Variants in NCAPD3 observed in about 807,000 individuals in gnomAD.
The protein encoded by NCAPD3 is condensin-2 complex subunit D3.
A neutral mutation model predicts 182.9 loss-of-function variants in NCAPD3; 105 were observed. The observed-to-expected ratio is 0.57, with a 90% CI of 0.49 to 0.68. NCAPD3 has a LOEUF of 0.68. Among genes scored for constraint, NCAPD3 ranks in the 30% least tolerant of loss-of-function variants. The probability of loss-of-function intolerance (pLI) is 0.00; values close to 1 mark genes in which losing one functional copy is unlikely to be tolerated. For missense variants in NCAPD3, 1,944 were observed against 1,837.0 expected, an observed-to-expected ratio of 1.06 and a Z score of -1.07; for synonymous variants, 815 against 679.9, an observed-to-expected ratio of 1.20 and a Z score of -3.09.
chr11:134,154,406 G>A (rs942761420), intron 32 of NCAPD3, among the ~76,000 whole-genome samples: 14 of 151,700 alleles, frequency 9.2e-5, no homozygotes, highest in African/African-American at 3.2e-4. Flanking sequence ...AGGTGCACGC[G>A]TGCACAAACA....
intron 31 of NCAPD3, 116 bp downstream of exon 31, chr11:134,157,812 C>G: frequency 8.6e-7 from 1 of 1,158,318 alleles, no homozygotes; most frequent in Non-Finnish European, 1.2e-6. Context: ...GCCCAATTAA[C>G]GTTATTTGTT....
chr11:134,179,428 T>C (rs775853193), intron 20 of NCAPD3, among the ~76,000 whole-genome samples: 4 of 152,266 alleles, frequency 2.6e-5, no homozygotes, highest in Non-Finnish European at 5.9e-5. Flanking sequence ...TCAATATGTA[T>C]GACACATATG....
At position 134,151,499 on chromosome 11, in the gene NCAPD3, T is replaced by A. The variant is rs1232496949; in HGVS notation, c.*1445A>T. The stretch of plus-strand genomic sequence containing the variant: ...CCTAAAACCTTCTACACTAGTGCCA[T>A]GGGAACCAGGTCTGAAAAAGTAGAG... On this transcript the variant is annotated 3_prime_UTR_variant, in exon 35 of 35. Transcript: ENST00000534548. The A allele has an allele frequency of 6.6e-6, 1 of 152,176 alleles. No homozygotes were observed. Among genetic ancestry groups the A allele is most frequent in the Admixed American group, 6.5e-5 (1 of 15,282 alleles). The allele number at this position is 152,176 out of a possible 1,614,324, so 9.4% of individuals were successfully genotyped here.
At chr11:134,153,598 C>T in intron 32 of NCAPD3, 2 of 567,940 alleles carry the variant, frequency 3.5e-6, no homozygotes. Context: ...ACTCGGCTGG[C>T]CCCTGGGCCT....
At chr11:134,184,810 T>TAC (rs60568256) in intron 18 of NCAPD3, 58 bp from the exon 19 acceptor site, 48,687 of 995,920 alleles carry the variant, frequency 0.049, 298 homozygotes, top group African/African-American at 0.067. Context: ...CAGGTATATA[T>TAC]ACACACACAC....
At chr11:134,167,674 GAT>G (rs1474857921) in intron 27 of NCAPD3, among the ~76,000 whole-genome samples, 2 of 138,388 alleles carry the variant, frequency 1.4e-5, no homozygotes, top group African/African-American at 2.7e-5. Flanking sequence ...TCACTTGTGA[GAT>G]GAGCTTGGGG....
intron 24 of NCAPD3, chr11:134,173,011 G>T (rs570928687): frequency 1.4e-5 from 2 of 147,998 alleles, no homozygotes; most frequent in African/African-American, 2.5e-5. Flanking sequence ...AAGTCACACA[G>T]AGCGGGCAGG....
At chr11:134,177,094 C>T in intron 23 of NCAPD3, 125 bp downstream of exon 23, 1 of 734,802 alleles carries the variant, frequency 1.4e-6, no homozygotes, top group South Asian at 1.8e-5. Flanking sequence ...AACTCCAGAC[C>T]AGAGATGAGA....
Position 134,153,470 on chromosome 11 carries a change from C to G in NCAPD3, c.4253-107G>C, listed in dbSNP as rs896832530. 4 of 1,166,802 alleles carry G rather than the reference C, an allele frequency of 3.4e-6. No individual in the cohort carries two copies. In the African/African-American group the frequency reaches 4.5e-5, roughly 13 times the overall value. 72.3% of individuals were successfully genotyped at this position (1,166,802 alleles called of 1,614,324 possible). A position where few individuals can be genotyped will look rare whatever the true frequency, so the allele number is the denominator to read the frequency against. On this transcript the variant is annotated intron_variant, in intron 32 of 34. Coordinates refer to ENST00000534548, the MANE Select transcript of NCAPD3 (RefSeq NM_015261.3). ...CAGGGTGTCCACATCAGTGTCCCAG[C>G]GGCGGCCCTCAGACCTCCACTGGAC...
rs1055001006 is a variant in NCAPD3 at position 134,151,770 on chromosome 11, T to C, written c.*1174A>G. 6.6e-6 allele frequency: 1 copy of C among 152,208 alleles called. No homozygotes were observed. The highest frequency in any genetic ancestry group is 2.4e-5 in the African/African-American group (1 of 41,444). 9.4% of individuals were successfully genotyped at this position (152,208 alleles called of 1,614,324 possible). A position where few individuals can be genotyped will look rare whatever the true frequency, so the allele number is the denominator to read the frequency against. On this transcript the variant is annotated 3_prime_UTR_variant, in exon 35 of 35. Transcript: ENST00000534548. ...AAAACCCAAACATTGCTTCATTCTT[T>C]GTTATTTGCTCTTACGTTGGGTTTG...
intron 5 of NCAPD3, 25 bp from the exon 6 acceptor site, chr11:134,209,231 G>A (rs752004964): frequency 6.2e-7 from 1 of 1,609,362 alleles, no homozygotes; most frequent in Non-Finnish European, 8.5e-7. Context: ...TGAAGAAAAG[G>A]CCTGATTTTT....
chr11:134,159,444 A>G (rs1943517560), intron 29 of NCAPD3, among the ~76,000 whole-genome samples: 1 of 152,246 alleles, frequency 6.6e-6, no homozygotes, highest in Non-Finnish European at 1.5e-5. Flanking sequence ...CCACTTGTAG[A>G]TGCTGTGGCA....
chr11:134,181,115 T>C lies in NCAPD3; in HGVS notation c.2521A>G (p.Lys841Glu), dbSNP rs1413785588. The C allele has an allele frequency of 1.2e-6, 2 of 1,613,086 alleles. No homozygotes were observed. The highest frequency in any genetic ancestry group is 1.7e-6 in the Non-Finnish European group (2 of 1,179,382). ...TCCATATTCCCTGTTCCATTCTCCT[T>C]GAGAACGATGTTGGAGAGGCGGTGC... ...CEHRLSNIVL[K>E]ENGTGNMDED... The change falls in exon 20 of 35, where the codon AAG (lysine) becomes GAG (glutamate). Residue 841 changes from lysine (K) to glutamate (E), a missense_variant. Lys to Glu is a moderately conservative substitution (Grantham distance 56, BLOSUM62 1). Coordinates refer to ENST00000534548, the MANE Select transcript of NCAPD3 (RefSeq NM_015261.3).
intron 24 of NCAPD3, among the ~76,000 whole-genome samples, chr11:134,170,681 G>A (rs1483701372): frequency 1.3e-5 from 2 of 152,254 alleles, no homozygotes; most frequent in Non-Finnish European, 2.9e-5. Context: ...ATGGGTGGAG[G>A]TGACCAACAG....
intron 24 of NCAPD3, among the ~76,000 whole-genome samples, chr11:134,174,376 C>T (rs1944104364): frequency 9.9e-6 from 1 of 101,192 alleles, no homozygotes; most frequent in Non-Finnish European, 1.8e-5. Context: ...GAATGAGACC[C>T]TGTCTCAAAA....
At chr11:134,155,639 G>A (rs766557682) in intron 32 of NCAPD3, among the ~76,000 whole-genome samples, 4 of 152,122 alleles carry the variant, frequency 2.6e-5, no homozygotes, top group Admixed American at 2.0e-4. Flanking sequence ...ACTGACATCA[G>A]GGACTCAGGA....
At chr11:134,185,906 C>CTTTTTTTTTTTTT (rs34931150) in intron 16 of NCAPD3, 2 of 138,312 alleles carry the variant, frequency 1.4e-5, no homozygotes, top group Non-Finnish European at 1.5e-5. Flanking sequence ...TAACATTGTC[C>CTTTTTTTTTTTTT]TTTTTTTTTT....
At position 134,168,088 on chromosome 11, in the gene NCAPD3, A is replaced by G. The variant is rs1193359821; in HGVS notation, c.3481T>C (p.Ser1161Pro). Residue 1161 changes from serine to proline, a missense_variant, in exon 27 of 35, where the codon TCT becomes CCT. By Grantham distance (74) the Ser-to-Pro change is moderately conservative. Transcript: ENST00000534548. ...SKEIKLLAMR[S>P]KPDKDLLMEE... ...ATAAGGAGGTCTTTGTCTGGTTTAG[A>G]TCTCATTGCCAAAAGCTTGATCTCC... 1.9e-6 allele frequency: 3 copies of G among 1,614,020 alleles called. No homozygotes were observed. In the East Asian group the frequency reaches 6.7e-5, roughly 36 times the overall value.
chr11:134,167,269 A>T (rs1187434372), intron 27 of NCAPD3, among the ~76,000 whole-genome samples: 89 of 80,894 alleles, frequency 1.1e-3, no homozygotes, highest in Admixed American at 1.0e-3. Flanking sequence ...TTAGGGGAGC[A>T]GCACACTCAC....
Sources: allele counts gnomAD v4.1 joint callset (sites outside exome capture counted in the v4.1 genomes callset), GRCh38; gene constraint gnomAD v4.1.1; transcripts MANE v1.5; gene names NCBI Gene and HGNC (gene_info 2026-07-23, HGNC 2026-07-21).